Variants in PTK2B observed in about 807,000 individuals in gnomAD.
PTK2B encodes protein tyrosine kinase 2 beta, also known as protein-tyrosine kinase 2-beta.
A neutral mutation model predicts 142.9 loss-of-function variants in PTK2B; 71 were observed. That is an observed-to-expected ratio of 0.50 (90% confidence interval 0.41 to 0.61). The LOEUF is 0.61. Among genes scored for constraint, PTK2B ranks in the 20% least tolerant of loss-of-function variants. The probability of loss-of-function intolerance (pLI) is 0.00; values close to 1 mark genes in which losing one functional copy is unlikely to be tolerated. For synonymous variants in PTK2B, 519 were observed against 503.4 expected, an observed-to-expected ratio of 1.03 and a Z score of -0.42; for missense variants, 1,105 against 1,320.4, an observed-to-expected ratio of 0.84 and a Z score of 2.53.
intron 1 of PTK2B, among the ~76,000 whole-genome samples, chr8:27,333,365 A>G (rs1252044856): frequency 6.6e-6 from 1 of 152,200 alleles, no homozygotes; most frequent in Admixed American, 6.5e-5. Flanking sequence ...GCTGTTGACC[A>G]TGCTGACTTC....
At chr8:27,315,490 C>A (rs149243878) in intron 3 of PTK2B, among the ~76,000 whole-genome samples, 4 of 152,164 alleles carry the variant, frequency 2.6e-5, no homozygotes, top group Non-Finnish European at 4.4e-5. Flanking sequence ...TCCCCTCCCC[C>A]CAACGCAGAG....
chr8:27,355,340 A>G (rs1293558748), intron 1 of PTK2B, among the ~76,000 whole-genome samples: 2 of 152,168 alleles, frequency 1.3e-5, no homozygotes, highest in East Asian at 1.9e-4. Flanking sequence ...GAGAGAGAAG[A>G]GAGACAAGAG....
intron 1 of PTK2B, among the ~76,000 whole-genome samples, chr8:27,379,111 C>T (rs900558750): frequency 2.3e-4 from 35 of 152,100 alleles, no homozygotes; most frequent in African/African-American, 8.2e-4. Flanking sequence ...GGAAGTAGGT[C>T]GCAGGCTTCT....
intron 23 of PTK2B, among the ~76,000 whole-genome samples, chr8:27,445,514 G>A (rs1219149688): frequency 1.3e-5 from 2 of 152,182 alleles, no homozygotes; most frequent in East Asian, 1.9e-4. Flanking sequence ...GAAGAGTCCT[G>A]AAGGAAGAGC....
chr8:27,412,937 A>G (rs527674525), intron 2 of PTK2B, among the ~76,000 whole-genome samples: 6 of 151,790 alleles, frequency 4.0e-5, no homozygotes, highest in Non-Finnish European at 5.9e-5. Flanking sequence ...ATCTTATTCA[A>G]CCCCTTGATA....
chr8:27,457,387 G>T (rs953312321), intron 30 of PTK2B, among the ~76,000 whole-genome samples: 1 of 152,226 alleles, frequency 6.6e-6, no homozygotes, highest in African/African-American at 2.4e-5. Flanking sequence ...CTCAGATGGA[G>T]ATATAGAAGG....
rs138280120 is a variant in PTK2B, at chr8:27,458,643, G to A, written c.*134G>A. 8.6e-5 allele frequency: 76 copies of A among 886,544 alleles called. No individual in the cohort carries two copies. The highest frequency in any genetic ancestry group is 3.6e-4 in the Admixed American group (16 of 44,736). The allele number at this position is 886,544 out of a possible 1,614,324, so 54.9% of individuals were successfully genotyped here. On this transcript the variant is annotated 3_prime_UTR_variant, in exon 31 of 31. Coordinates refer to ENST00000346049, the MANE Select transcript of PTK2B (RefSeq NM_173176.3). ...ACCTTCCCTTGCCACTTTGCACGAC[G>A]CCCTCTCCCCACCCCTACCCCTGGC...
rs1420492768 is a variant in PTK2B at position 27,459,122 on chromosome 8, C to T, written c.*613C>T. 5 of 239,344 alleles carry T rather than the reference C, an allele frequency of 2.1e-5. No individual in the cohort carries two copies. The highest frequency in any genetic ancestry group is 3.3e-5 in the Non-Finnish European group (4 of 121,054). The allele number at this position is 239,344 out of a possible 1,614,324, so 14.8% of individuals were successfully genotyped here. On this transcript the variant is annotated 3_prime_UTR_variant, in exon 31 of 31. Coordinates refer to ENST00000346049, the MANE Select transcript of PTK2B (RefSeq NM_173176.3). ...TAATTGGGAGTCCAGGCACAGGATG[C>T]TGTGTTGTCAACAAACCAAGCATCA...
chr8:27,428,739 C>T (rs984721919), intron 5 of PTK2B, among the ~76,000 whole-genome samples: 3 of 152,136 alleles, frequency 2.0e-5, no homozygotes, highest in African/African-American at 7.2e-5. Context: ...CAGACATTGC[C>T]CAGTGTTTCA....
intron 1 of PTK2B, among the ~76,000 whole-genome samples, chr8:27,343,264 T>G (rs1238973037): frequency 1.3e-5 from 2 of 152,200 alleles, no homozygotes; most frequent in Admixed American, 1.3e-4. Context: ...AGATCCACCT[T>G]CTTCTTCTGG....
intron 2 of PTK2B, among the ~76,000 whole-genome samples, chr8:27,411,269 G>A (rs969645488): frequency 6.6e-6 from 1 of 152,152 alleles, no homozygotes; most frequent in African/African-American, 2.4e-5. Context: ...ATATTAGAAT[G>A]ATAAAGAAGA....
chr8:27,405,940 T>C (rs1808687699), intron 2 of PTK2B, among the ~76,000 whole-genome samples: 2 of 152,242 alleles, frequency 1.3e-5, no homozygotes, highest in Non-Finnish European at 2.9e-5. Flanking sequence ...GTATCAGTTT[T>C]CTATGGCTGC....
rs554907535 is a variant in PTK2B, at chr8:27,420,701, G to A, written c.428G>A (p.Ser143Asn). The change falls in exon 4 of 31, where the codon AGC (serine) becomes AAC (asparagine). Residue 143 changes from serine (S) to asparagine (N), a missense_variant. By Grantham distance (46) the Ser-to-Asn change is conservative. Transcript: ENST00000346049. ...TACTTGCCAGAAGACTTCATGGAGA[G>A]CCTGAAGGAGGACAGGACCACGCTG... ...IRYLPEDFME[S>N]LKEDRTTLLY... 41 of 1,614,172 alleles carry A rather than the reference G, an allele frequency of 2.5e-5. No individual in the cohort carries two copies. The South Asian group carries it at 4.4e-4, about 17-fold the overall frequency.
chr8:27,445,806 CTG>C lies in PTK2B; in HGVS notation c.2232_2233del (p.Ala745GlnfsTer16). 6.2e-7 allele frequency: 1 copy of C among 1,613,962 alleles called. No homozygotes were observed. The highest frequency in any genetic ancestry group is 8.5e-7 in the Non-Finnish European group (1 of 1,180,042). ...PKLQFQVPEG[L>X]CASSPTLTSP... ...TTTTCCTGAATAGGTTCCTGAGGGTCTGTGTGCCAGCTCTCCTACGCTCACCA... is the reference window on the plus strand; with the variant it reads ...TTTTCCTGAATAGGTTCCTGAGGGTCTGTGCCAGCTCTCCTACGCTCACCA... On this transcript the variant is annotated frameshift_variant, in exon 24 of 31. Transcript: ENST00000346049. LOFTEE classifies it high-confidence loss of function.
chr8:27,332,455 C>T (rs1457883052), intron 1 of PTK2B, among the ~76,000 whole-genome samples: 2 of 152,208 alleles, frequency 1.3e-5, no homozygotes, highest in Non-Finnish European at 2.9e-5. Context: ...GCCTGTCTGA[C>T]ATCGCCAAGT....
chr8:27,424,546 C>T (rs13268201), intron 5 of PTK2B, among the ~76,000 whole-genome samples: 64,952 of 152,102 alleles, frequency 0.43, 14,329 homozygotes, highest in South Asian at 0.53. Flanking sequence ...ACTGAAATGC[C>T]GGGTGTATGA....
chr8:27,359,451 AT>A (rs1385258876), intron 1 of PTK2B, among the ~76,000 whole-genome samples: 5 of 152,098 alleles, frequency 3.3e-5, no homozygotes, highest in Non-Finnish European at 7.4e-5. Context: ...AAGTTATTCC[AT>A]TTACTTCAGT....
At chr8:27,414,825 G>T (rs994907647) in intron 2 of PTK2B, among the ~76,000 whole-genome samples, 2 of 151,748 alleles carry the variant, frequency 1.3e-5, no homozygotes, top group Admixed American at 6.6e-5. Flanking sequence ...CCCCCTGTTT[G>T]GTTCTTTGCT....
At chr8:27,351,806 G>A (rs767246578) in intron 1 of PTK2B, among the ~76,000 whole-genome samples, 32 of 152,152 alleles carry the variant, frequency 2.1e-4, no homozygotes, top group Non-Finnish European at 3.8e-4. Flanking sequence ...GGTTATGTAG[G>A]ATTAAAACCA....
Sources: allele counts gnomAD v4.1 joint callset (sites outside exome capture counted in the v4.1 genomes callset), GRCh38; gene constraint gnomAD v4.1.1; transcripts MANE v1.5; gene names NCBI Gene and HGNC (gene_info 2026-07-23, HGNC 2026-07-21).